Variants in RAD51B observed in about 807,000 individuals in gnomAD.
The protein encoded by RAD51B is RAD51 paralog B.
Under a neutral mutation model 42.2 loss-of-function variants are expected in RAD51B, and 38 were observed. The ratio of observed to expected loss-of-function variants is 0.90; its 90% CI spans 0.70 to 1.18. The LOEUF (loss-of-function observed/expected upper bound fraction) is 1.18, where lower values mean the gene tolerates loss of function less well. RAD51B is among the 50% of genes most tolerant of loss of function. The pLI is 0.00. For synonymous variants in RAD51B, 154 were observed against 145.2 expected, an observed-to-expected ratio of 1.06 and a Z score of -0.43; for missense variants, 373 against 400.7, an observed-to-expected ratio of 0.93 and a Z score of 0.59.
intron 7 of RAD51B, among the ~76,000 whole-genome samples, chr14:68,263,344 T>C (rs2080925141): frequency 2.0e-5 from 3 of 152,162 alleles, no homozygotes; most frequent in Non-Finnish European, 4.4e-5. Context: ...AATTTCTTGT[T>C]TTATAGAAGC....
At chr14:67,896,350 G>A (rs952691810) in intron 7 of RAD51B, among the ~76,000 whole-genome samples, 9 of 152,312 alleles carry the variant, frequency 5.9e-5, no homozygotes, top group African/African-American at 2.2e-4. Flanking sequence ...AAAACTGAAT[G>A]TAGAAGATTT....
intron 8 of RAD51B, among the ~76,000 whole-genome samples, chr14:68,329,717 C>T (rs145501138): frequency 0.024 from 3,704 of 152,200 alleles, 68 homozygotes; most frequent in Non-Finnish European, 0.037. Context: ...CCCGGTGGCT[C>T]ACGCCTATAA....
intron 7 of RAD51B, among the ~76,000 whole-genome samples, chr14:68,143,946 A>AT (rs914040189): frequency 4.9e-4 from 73 of 149,016 alleles, no homozygotes; most frequent in African/African-American, 1.2e-3. Context: ...ATCTTCAGGG[A>AT]TTTTTTTTTT....
intron 11 of RAD51B, among the ~76,000 whole-genome samples, chr14:68,676,243 G>A (rs1269234451): frequency 6.6e-6 from 1 of 152,150 alleles, no homozygotes; most frequent in Non-Finnish European, 1.5e-5. Context: ...GGAAACCTAG[G>A]CACAGAGAGG....
intron 7 of RAD51B, among the ~76,000 whole-genome samples, chr14:68,126,058 T>C (rs1471580479): frequency 6.6e-6 from 1 of 152,236 alleles, no homozygotes; most frequent in Non-Finnish European, 1.5e-5. Flanking sequence ...TGTTTTCCCA[T>C]GATTTCTCTG....
At chr14:68,420,132 C>G (rs1332959113) in intron 9 of RAD51B, among the ~76,000 whole-genome samples, 1 of 152,136 alleles carries the variant, frequency 6.6e-6, no homozygotes, top group Non-Finnish European at 1.5e-5. Context: ...AACTCATATT[C>G]AGTGATAGCA....
intron 10 of RAD51B, among the ~76,000 whole-genome samples, chr14:68,609,392 C>T (rs1595024702): frequency 6.6e-6 from 1 of 152,080 alleles, no homozygotes; most frequent in Non-Finnish European, 1.5e-5. Flanking sequence ...ACGCCCCTTA[C>T]TGAGCAGGTC....
intron 7 of RAD51B, among the ~76,000 whole-genome samples, chr14:68,017,037 G>A (rs1215795657): frequency 6.6e-6 from 1 of 151,916 alleles, no homozygotes; most frequent in African/African-American, 2.4e-5. Flanking sequence ...TAAGGACATG[G>A]CTTTTTTTCT....
exon 11 of RAD51B, chr14:68,594,593 T>A: frequency 1.6e-6 from 2 of 1,289,882 alleles, no homozygotes; most frequent in Non-Finnish European, 2.0e-6. Context: ...CATACCCAGC[T>A]AATTTTTTAA....
intron 8 of RAD51B, among the ~76,000 whole-genome samples, chr14:68,371,925 C>A (rs1351693880): frequency 6.6e-6 from 1 of 152,210 alleles, no homozygotes; most frequent in African/African-American, 2.4e-5. Context: ...GAGTCTGAGT[C>A]TAGAGCTCAG....
At chr14:68,124,088 C>T (rs956309727) in intron 7 of RAD51B, among the ~76,000 whole-genome samples, 1 of 152,020 alleles carries the variant, frequency 6.6e-6, no homozygotes, top group African/African-American at 2.4e-5. Flanking sequence ...GGAACTCTTT[C>T]CCCCATTTTT....
At chr14:68,322,110 T>TTA (rs2082167625) in intron 8 of RAD51B, among the ~76,000 whole-genome samples, 1 of 152,168 alleles carries the variant, frequency 6.6e-6, no homozygotes, top group Non-Finnish European at 1.5e-5. Context: ...AGAACAGTGC[T>TTA]TAGCATGTAG....
chr14:68,584,977 C>T (rs748655077), intron 10 of RAD51B, among the ~76,000 whole-genome samples: 3 of 152,142 alleles, frequency 2.0e-5, no homozygotes, highest in Non-Finnish European at 2.9e-5. Context: ...TTACACTCAA[C>T]ACTCTTAGCC....
At chr14:67,889,122 G>C (rs1194757427) in intron 7 of RAD51B, among the ~76,000 whole-genome samples, 1 of 151,812 alleles carries the variant, frequency 6.6e-6, no homozygotes, top group East Asian at 1.9e-4. Context: ...CTATGCCTTT[G>C]GCTTTGTTTC....
chr14:68,226,958 C>T (rs1217145727), intron 7 of RAD51B, among the ~76,000 whole-genome samples: 3 of 151,980 alleles, frequency 2.0e-5, no homozygotes, highest in Non-Finnish European at 2.9e-5. Context: ...TTTATTATGC[C>T]CTACTAAATG....
intron 7 of RAD51B, among the ~76,000 whole-genome samples, chr14:67,975,716 G>C (rs1049326167): frequency 1.3e-5 from 2 of 152,216 alleles, no homozygotes; most frequent in Non-Finnish European, 2.9e-5. Flanking sequence ...TTATTTGAAC[G>C]TAGTTTGAAC....
At chr14:68,555,203 G>A (rs1337967055) in intron 10 of RAD51B, among the ~76,000 whole-genome samples, 1 of 152,156 alleles carries the variant, frequency 6.6e-6, no homozygotes, top group Non-Finnish European at 1.5e-5. Flanking sequence ...TAGGACATCC[G>A]TATGTGCTGG....
intron 9 of RAD51B, among the ~76,000 whole-genome samples, chr14:68,459,519 G>C (rs2085789403): frequency 6.6e-6 from 1 of 152,184 alleles, no homozygotes; most frequent in South Asian, 2.1e-4. Context: ...CAGTCAGTGG[G>C]CTTCCTCCCT....
At chr14:68,245,010 C>G (rs187444330) in intron 7 of RAD51B, among the ~76,000 whole-genome samples, 1 of 152,094 alleles carries the variant, frequency 6.6e-6, no homozygotes, top group Non-Finnish European at 1.5e-5. Flanking sequence ...TAAAGAATGC[C>G]GTAACACTAA....
Sources: allele counts gnomAD v4.1 joint callset (sites outside exome capture counted in the v4.1 genomes callset), GRCh38; gene constraint gnomAD v4.1.1; transcripts MANE v1.5; gene names NCBI Gene and HGNC (gene_info 2026-07-23, HGNC 2026-07-21).